SMARCA1: variants seen among roughly 807,000 people sequenced by gnomAD.
SMARCA1 encodes the protein SNF2 related chromatin remodeling ATPase 1, also known as SWI/SNF-related matrix-associated actin-dependent regulator of chromatin subfamily A member 1.
Under a neutral mutation model 93.6 loss-of-function variants are expected in SMARCA1, and 17 were observed. The ratio of observed to expected loss-of-function variants is 0.18; its 90% CI spans 0.12 to 0.27. SMARCA1 has a LOEUF of 0.27. Among genes scored for constraint, SMARCA1 ranks in the 10% least tolerant of loss-of-function variants. The probability of loss-of-function intolerance (pLI) is 1.00; values close to 1 mark genes in which losing one functional copy is unlikely to be tolerated. For missense variants in SMARCA1, 630 were observed against 819.0 expected (o/e 0.77, Z 2.82); for synonymous variants, 271 against 271.4 (o/e 1.00, Z 0.01).
At chrX:129,505,436 C>T (rs1029420261) in intron 8 of SMARCA1, among the ~76,000 whole-genome samples, 2 of 110,451 alleles carry the variant, frequency 1.8e-5, no homozygotes, top group Non-Finnish European at 1.9e-5. Context: ...CACTTTAACC[C>T]GGGAGGCGGA....
chrX:129,522,965 CCCCGCGCCGCTCCCG>C (rs929404764), intron 1 of SMARCA1, among the ~76,000 whole-genome samples: 1 of 111,233 alleles, frequency 9.0e-6, no homozygotes, highest in Non-Finnish European at 1.9e-5. Flanking sequence ...CACCCCTCCA[CCCCGCGCCGCTCCCG>C]CCCGCGCCCA....
At chrX:129,516,566 T>C (rs1340367040) in intron 2 of SMARCA1, 69 bp from the exon 3 acceptor site, 11 of 917,894 alleles carry the variant, frequency 1.2e-5, no homozygotes, top group Non-Finnish European at 1.5e-5. Flanking sequence ...TAACAAATAC[T>C]TACTTTGAAC....
intron 23 of SMARCA1, among the ~76,000 whole-genome samples, chrX:129,454,823 C>T (rs755785126): frequency 2.7e-5 from 3 of 111,550 alleles, no homozygotes; most frequent in Non-Finnish European, 5.7e-5. Flanking sequence ...CAAAAGAAGA[C>T]ATTTATGCGG....
intron 2 of SMARCA1, among the ~76,000 whole-genome samples, chrX:129,517,698 A>T (rs943173893): frequency 8.1e-5 from 9 of 111,130 alleles, no homozygotes; most frequent in African/African-American, 2.9e-4. Flanking sequence ...GGAAAAAAAA[A>T]TCCATTTCAA....
intron 23 of SMARCA1, among the ~76,000 whole-genome samples, chrX:129,460,784 C>A (rs1380692243): frequency 1.8e-5 from 2 of 111,644 alleles, no homozygotes; most frequent in Non-Finnish European, 3.8e-5. Context: ...TCTAAAGTAT[C>A]TGTAAAGAAA....
chrX:129,504,000 G>C (rs1228828724), intron 9 of SMARCA1, among the ~76,000 whole-genome samples: 21 of 106,788 alleles, frequency 2.0e-4, no homozygotes, highest in African/African-American at 6.8e-4. Flanking sequence ...AAGAAAGGTC[G>C]GATGCAGTGG....
intron 16 of SMARCA1, among the ~76,000 whole-genome samples, chrX:129,487,713 G>A (rs945737888): frequency 1.1e-4 from 12 of 111,943 alleles, no homozygotes; most frequent in Non-Finnish European, 3.8e-5. Context: ...GGCAGGAGAG[G>A]GGGCCTATAG....
intron 11 of SMARCA1, among the ~76,000 whole-genome samples, chrX:129,497,284 G>C (rs1934374946): frequency 9.0e-6 from 1 of 110,644 alleles, no homozygotes; most frequent in African/African-American, 3.3e-5. Flanking sequence ...ATGTAAGAGT[G>C]ACATACTCCG....
rs1036823736 is a variant in SMARCA1 at position 129,484,987 on chromosome X, G to A, written c.2217+2031C>T. 4.4e-5 allele frequency among the ~76,000 whole-genome samples: 5 copies of A among 112,444 alleles called. No homozygotes were observed. The South Asian group carries it at 1.1e-3, about 25-fold the overall frequency. ...CCTGCCACAGGGGCGCTGCCCTGTG[G>A]AGCGACTCTACTAAGGCAATGCTGA... On this transcript the variant is annotated intron_variant, in intron 17 of 24. Transcript: ENST00000371121.
At chrX:129,452,763 C>T (rs1194052136) in intron 23 of SMARCA1, among the ~76,000 whole-genome samples, 1 of 111,959 alleles carries the variant, frequency 8.9e-6, no homozygotes, top group Non-Finnish European at 1.9e-5. Context: ...AAAGTACAGG[C>T]GTATCTCGTT....
chrX:129,454,867 C>T (rs1932520053), intron 23 of SMARCA1, among the ~76,000 whole-genome samples: 1 of 111,894 alleles, frequency 8.9e-6, no homozygotes, highest in Non-Finnish European at 1.9e-5. Context: ...CTCATCATCA[C>T]TGGTCATTAC....
intron 1 of SMARCA1, among the ~76,000 whole-genome samples, chrX:129,522,822 G>C (rs1935452932): frequency 9.0e-6 from 1 of 111,524 alleles, no homozygotes; most frequent in East Asian, 2.9e-4. Context: ...GGGAGCGAGC[G>C]AGAGGAGAGG....
At chrX:129,478,384 T>G (rs182644607) in intron 19 of SMARCA1, among the ~76,000 whole-genome samples, 189 of 112,289 alleles carry the variant, frequency 1.7e-3, no homozygotes, top group African/African-American at 5.8e-3. Context: ...TTTTTCCCTC[T>G]CCTCTTGCTT....
At position 129,499,721 on chromosome X, in the gene SMARCA1, A is replaced by C; in HGVS notation, c.1277+11T>G. The stretch of plus-strand genomic sequence containing the variant: ...ACACAAATAAGTTTTAAAGGAAATG[A>C]AATAGCTCACCATTCTCGTTGCATC... On this transcript the variant is annotated intron_variant, in intron 10 of 24. Coordinates refer to ENST00000371121, the MANE Select transcript of SMARCA1 (RefSeq NM_001282874.2). 2.1e-6 allele frequency: 2 copies of C among 968,141 alleles called. No homozygotes were observed. Among genetic ancestry groups the C allele is most frequent in the Non-Finnish European group, 2.9e-6 (2 of 683,123 alleles). 79.8% of individuals were successfully genotyped at this position (968,141 alleles called of 1,213,427 possible).
At chrX:129,490,373 A>G (rs1333009825) in intron 14 of SMARCA1, among the ~76,000 whole-genome samples, 181 bp from the exon 15 acceptor site, 4 of 112,464 alleles carry the variant, frequency 3.6e-5, no homozygotes. Context: ...ATCTGCAAAT[A>G]TTATATTGTA....
intron 1 of SMARCA1, 114 bp downstream of exon 1, chrX:129,523,082 CT>C: frequency 1.1e-6 from 1 of 875,522 alleles, no homozygotes; most frequent in Non-Finnish European, 1.6e-6. Flanking sequence ...CCCGCCGCCC[CT>C]AGCCCCGCAA....
rs371007240 is a variant in SMARCA1 at position 129,496,909 on chromosome X, T to G, written c.1505-38A>C. ...ACCAAGAAAAAGTGAGTTGTACAAC[T>G]TGTGTGAAACTAACTTAAAAGCTAC... On this transcript the variant is annotated intron_variant, in intron 11 of 24. Transcript: ENST00000371121. The G allele has an allele frequency of 1.7e-3, 1,936 of 1,163,815 alleles. 1 individual carries two copies. The highest frequency in any genetic ancestry group is 2.1e-3 in the Non-Finnish European group (1,824 of 864,274).
chrX:129,472,162 A>G (rs145564402), intron 19 of SMARCA1, among the ~76,000 whole-genome samples: 1 of 112,149 alleles, frequency 8.9e-6, no homozygotes, highest in Non-Finnish European at 1.9e-5. Context: ...GCTGAACTAT[A>G]CTGTGTGTAT....
chrX:129,451,710 T>C lies in SMARCA1; in HGVS notation c.3031-3267A>G, dbSNP rs946559774. ...ATAGATACCAGCTCCATTTTTTTTT[T>C]TTTTTTTTTTTGAGACGGAGTCTCA... On this transcript the variant is annotated intron_variant, in intron 23 of 24. Coordinates refer to ENST00000371121, the MANE Select transcript of SMARCA1 (RefSeq NM_001282874.2). Among the ~76,000 whole-genome samples the C allele has an allele frequency of 4.3e-3, 437 of 101,884 alleles. 1 individual carries two copies. Among genetic ancestry groups the C allele is most frequent in the African/African-American group, 0.015 (417 of 27,682 alleles). The allele number at this position is 101,884 out of a possible 115,157, so 88.5% of individuals were successfully genotyped here.
Sources: gnomAD v4.1 joint callset for allele counts (sites outside exome capture counted in the v4.1 genomes callset) on GRCh38, gnomAD v4.1.1 for gene constraint, MANE v1.5 for transcripts, NCBI Gene and HGNC (gene_info 2026-07-23, HGNC 2026-07-21) for gene names.